EZR: variants seen among roughly 807,000 people sequenced by gnomAD.
EZR encodes the protein cytovillin 2.
EZR carries 40 observed loss-of-function variants against 74.8 expected under a neutral mutation model. The ratio of observed to expected loss-of-function variants is 0.53; its 90% confidence interval spans 0.42 to 0.70. EZR has a LOEUF of 0.70. EZR is among the 30% of genes least tolerant of loss of function. The probability of loss-of-function intolerance (pLI) is 0.00; values close to 1 mark genes in which losing one functional copy is unlikely to be tolerated. For synonymous variants in EZR, 341 were observed against 283.3 expected (o/e 1.20, Z -2.05); for missense variants, 678 against 755.8 (o/e 0.90, Z 1.21).
At chr6:158,818,642 G>T (rs1371262128) in intron 1 of EZR, among the ~76,000 whole-genome samples, 1 of 150,280 alleles carries the variant, frequency 6.7e-6, no homozygotes, top group Non-Finnish European at 1.5e-5. Flanking sequence ...GACACTCGAG[G>T]TGCACCCAGC....
At chr6:158,798,826 A>G (rs1273725141) in intron 2 of EZR, among the ~76,000 whole-genome samples, 1 of 151,744 alleles carries the variant, frequency 6.6e-6, no homozygotes, top group Non-Finnish European at 1.5e-5. Context: ...ATGGAGTTTC[A>G]CCATGTTGCC....
Position 158,785,583 on chromosome 6 carries a change from C to T in EZR, c.193G>A (p.Val65Met). The T allele has an allele frequency of 1.2e-6, 2 of 1,613,390 alleles. No individual in the cohort carries two copies. The highest frequency in any genetic ancestry group is 1.7e-6 in the Non-Finnish European group (2 of 1,179,388). The stretch of plus-strand genomic sequence containing the variant: ...TCCTTCCTGACCTCCTGGGCAGACA[C>T]CTGCACGAAACAAGCCACACTCTCC... ...FPTWLKLDKKVSAQEVRKENP... is the reference protein window; with the variant it reads ...FPTWLKLDKKMSAQEVRKENP... Residue 65 changes from valine to methionine, a missense_variant and splice_region_variant, in exon 5 of 14, where the codon GTG (valine) becomes ATG (methionine). Val to Met is a conservative substitution (Grantham distance 21, BLOSUM62 1). Transcript: ENST00000367075.
At chr6:158,776,352 T>C in intron 8 of EZR, 56 bp downstream of exon 8, 1 of 1,382,534 alleles carries the variant, frequency 7.2e-7, no homozygotes. Flanking sequence ...TCCGTTACCC[T>C]GACAAGTATA....
In EZR at chr6:158,766,757, C is replaced by T; in HGVS notation, c.*157G>A. 2 of 777,608 alleles carry T rather than the reference C, an allele frequency of 2.6e-6. No homozygotes were observed. The highest frequency in any genetic ancestry group is 3.4e-5 in the South Asian group (2 of 58,956). The allele number at this position is 777,608 out of a possible 1,614,324, so 48.2% of individuals were successfully genotyped here. On this transcript the variant is annotated 3_prime_UTR_variant, in exon 14 of 14. Transcript: ENST00000367075. ...GGGGAAAACAAACCAGGGCGCCTCC[C>T]TGGTTCCCAGCCCAGAATGTTTCTG... is the stretch of plus-strand genomic sequence containing the variant.
intron 3 of EZR, chr6:158,788,411 C>G (rs1348511341): frequency 1.3e-5 from 2 of 152,256 alleles, no homozygotes; most frequent in Non-Finnish European, 2.9e-5. Flanking sequence ...CTTTGGGAGG[C>G]CAAGACGGGT....
At chr6:158,810,848 A>C (rs1777437780) in intron 2 of EZR, among the ~76,000 whole-genome samples, 1 of 152,202 alleles carries the variant, frequency 6.6e-6, no homozygotes, top group South Asian at 2.1e-4. Flanking sequence ...CACTGATAAA[A>C]ACTTTGTCTC....
chr6:158,776,358 G>T, intron 8 of EZR, 50 bp downstream of exon 8: 1 of 1,420,250 alleles, frequency 7.0e-7, no homozygotes, highest in Non-Finnish European at 1.0e-6. Context: ...ACCCTGACAA[G>T]TATAAGAATG....
chr6:158,787,074 A>G, intron 4 of EZR, 34 bp downstream of exon 4: 1 of 1,558,088 alleles, frequency 6.4e-7, no homozygotes, highest in Non-Finnish European at 8.9e-7. Flanking sequence ...CCAACACCCA[A>G]TCCACAGCCT....
chr6:158,773,378 G>A (rs370468171), intron 8 of EZR, among the ~76,000 whole-genome samples: 61 of 152,268 alleles, frequency 4.0e-4, no homozygotes, highest in Middle Eastern at 3.4e-3. Context: ...GAAGGAAGCC[G>A]GTTTCTCACT....
At chr6:158,772,346 G>A (rs1196678644) in intron 8 of EZR, among the ~76,000 whole-genome samples, 2 of 152,260 alleles carry the variant, frequency 1.3e-5, no homozygotes, top group African/African-American at 4.8e-5. Flanking sequence ...CAGGCTCAGT[G>A]CCTTCAACCA....
intron 6 of EZR, among the ~76,000 whole-genome samples, chr6:158,784,197 A>G (rs998667445): frequency 2.0e-5 from 3 of 152,212 alleles, no homozygotes; most frequent in Admixed American, 1.3e-4. Context: ...TGGCTCGGCC[A>G]TGTCTTACAT....
At position 158,809,728 on chromosome 6, in the gene EZR, ATAAT is replaced by A. The variant is rs1451335097; in HGVS notation, c.12+8350_12+8353del. 3.3e-5 allele frequency among the ~76,000 whole-genome samples: 5 copies of A among 152,394 alleles called. No individual in the cohort carries two copies. In the East Asian group the frequency reaches 9.6e-4, roughly 29 times the overall value. On this transcript the variant is annotated intron_variant, in intron 2 of 13. Coordinates refer to ENST00000367075, the MANE Select transcript of EZR (RefSeq NM_001111077.2). ...ACAAGGTTAGAATAAATGCTTAACA[ATAAT>A]TATTTTTATGCTAGAAGCAGGAGTT...
In EZR at chr6:158,767,447, G is replaced by C; in HGVS notation, c.1410C>G (p.Pro470=). The C allele has an allele frequency of 6.2e-7, 1 of 1,612,960 alleles. No homozygotes were observed. The change falls in exon 13 of 14, where the codon CCC becomes CCG. Residue 470 remains proline (P), a synonymous_variant. Transcript: ENST00000367075. ...KEELHLVMTA[P]PPPPPPVYEP... ...CGTACACGGGGGGTGGTGGGGGCGG[G>C]GGTGCTGTCATCACCAGGTGCAGCT... is the stretch of plus-strand genomic sequence containing the variant.
At chr6:158,770,941 A>C (rs1791087075) in intron 9 of EZR, 47 bp from the exon 10 acceptor site, 2 of 1,613,712 alleles carry the variant, frequency 1.2e-6, no homozygotes, top group Non-Finnish European at 1.7e-6. Context: ...CTCTGGCAGG[A>C]AAGTGAGGGG....
intron 7 of EZR, among the ~76,000 whole-genome samples, chr6:158,779,762 G>A (rs1791378616): frequency 6.6e-6 from 1 of 151,986 alleles, no homozygotes. Flanking sequence ...ACGGGGTTTT[G>A]CCATGTTGGC....
chr6:158,787,662 C>T (rs1326685346), intron 3 of EZR, among the ~76,000 whole-genome samples: 2 of 152,196 alleles, frequency 1.3e-5, no homozygotes, highest in Admixed American at 6.5e-5. Flanking sequence ...TGGCTGCCTG[C>T]CTCTGCCTCT....
intron 2 of EZR, among the ~76,000 whole-genome samples, chr6:158,810,550 G>T (rs990199499): frequency 6.6e-6 from 1 of 152,094 alleles, no homozygotes; most frequent in Admixed American, 6.6e-5. Context: ...ATATAATAGC[G>T]CTTCAAAACA....
chr6:158,810,756 G>C (rs2128576797), intron 2 of EZR, among the ~76,000 whole-genome samples: 1 of 152,292 alleles, frequency 6.6e-6, no homozygotes, highest in African/African-American at 2.4e-5. Context: ...ACAGGGTTAA[G>C]TTTGAAAAAC....
At chr6:158,805,476 CAAT>C (rs1312022718) in intron 2 of EZR, among the ~76,000 whole-genome samples, 1 of 151,686 alleles carries the variant, frequency 6.6e-6, no homozygotes, top group Non-Finnish European at 1.5e-5. Flanking sequence ...ATCACATGAG[CAAT>C]ATTATACAAT....
Sources: gnomAD v4.1 joint callset for allele counts (sites outside exome capture counted in the v4.1 genomes callset) on GRCh38, gnomAD v4.1.1 for gene constraint, MANE v1.5 for transcripts, NCBI Gene and HGNC (gene_info 2026-07-23, HGNC 2026-07-21) for gene names.